The following C1GALT1 variants were observed in gnomAD, a reference collection of about 807,000 sequenced individuals.
The protein encoded by C1GALT1 is glycoprotein-N-acetylgalactosamine 3-beta-galactosyltransferase 1.
Under a neutral mutation model 31.0 loss-of-function variants are expected in C1GALT1, and 11 were observed. The observed-to-expected ratio is 0.36, with a 90% CI of 0.22 to 0.59. The LOEUF (loss-of-function observed/expected upper bound fraction) is 0.59. Among genes scored for constraint, C1GALT1 ranks in the 20% least tolerant of loss-of-function variants. The pLI is 0.79. For missense variants in C1GALT1, 424 were observed against 425.2 expected (o/e 1.00, Z 0.03); for synonymous variants, 175 against 143.6 (o/e 1.22, Z -1.56).
At chr7:7,214,973 C>G (rs1275925993) in intron 1 of C1GALT1, among the ~76,000 whole-genome samples, 1 of 152,154 alleles carries the variant, frequency 6.6e-6, no homozygotes, top group Admixed American at 6.5e-5. Context: ...TAAACCCTGC[C>G]TCTGATGGAT....
chr7:7,245,042 C>G lies in C1GALT1; in HGVS notation c.*1315C>G, dbSNP rs2128254663. The stretch of plus-strand genomic sequence containing the variant: ...TTTAGTGACTCTGTTTAAAGAGTTT[C>G]TGAAAGGAAAGAAATTTTTTATTTT... On this transcript the variant is annotated 3_prime_UTR_variant, in exon 4 of 4. Coordinates refer to ENST00000436587, the MANE Select transcript of C1GALT1 (RefSeq NM_020156.5). The G allele has an allele frequency of 6.6e-6, 1 of 152,300 alleles. No homozygotes were observed. Among genetic ancestry groups the G allele is most frequent in the African/African-American group, 2.4e-5 (1 of 41,566 alleles). The allele number at this position is 152,300 out of a possible 1,614,324, so 9.4% of individuals were successfully genotyped here.
intron 1 of C1GALT1, among the ~76,000 whole-genome samples, chr7:7,226,635 C>G (rs1359532226): frequency 2.0e-5 from 3 of 152,040 alleles, no homozygotes; most frequent in African/African-American, 4.8e-5. Flanking sequence ...TGTGCAATAG[C>G]AGACATTCTG....
intron 1 of C1GALT1, among the ~76,000 whole-genome samples, chr7:7,187,599 T>G (rs1473595098): frequency 6.6e-6 from 1 of 152,200 alleles, no homozygotes; most frequent in Non-Finnish European, 1.5e-5. Flanking sequence ...AGGCCAGGGA[T>G]GCTGGCTAAA....
At chr7:7,224,171 AC>A (rs1782643388) in intron 1 of C1GALT1, among the ~76,000 whole-genome samples, 1 of 152,064 alleles carries the variant, frequency 6.6e-6, no homozygotes, top group East Asian at 1.9e-4. Context: ...AAATACTAAT[AC>A]TTCATTAAGT....
chr7:7,168,130 T>A (rs1780417346), intron 2 of C1GALT1, among the ~76,000 whole-genome samples: 1 of 152,128 alleles, frequency 6.6e-6, no homozygotes, highest in South Asian at 2.1e-4. Context: ...AGGAAAGAAG[T>A]GTGCAGCAGT....
intron 1 of C1GALT1, among the ~76,000 whole-genome samples, chr7:7,224,911 A>G (rs1782684435): frequency 6.6e-6 from 1 of 152,108 alleles, no homozygotes; most frequent in African/African-American, 2.4e-5. Context: ...ATTTAAGTGT[A>G]TTAAGCATAG....
chr7:7,167,693 A>C (rs752717873), intron 2 of C1GALT1, among the ~76,000 whole-genome samples: 9 of 151,872 alleles, frequency 5.9e-5, no homozygotes, highest in Non-Finnish European at 1.2e-4. Context: ...AATTCACCAA[A>C]ATTTGGACCC....
intron 1 of C1GALT1, among the ~76,000 whole-genome samples, chr7:7,214,000 G>T (rs71533362): frequency 0.063 from 9,668 of 152,254 alleles, 372 homozygotes; most frequent in East Asian, 0.16. Context: ...TCATCTCCCA[G>T]TGGGGGGTAG....
chr7:7,205,970 T>C (rs1401912806), intron 1 of C1GALT1, among the ~76,000 whole-genome samples: 5 of 152,224 alleles, frequency 3.3e-5, no homozygotes, highest in Non-Finnish European at 5.9e-5. Flanking sequence ...TTTGTCCTTA[T>C]TTCCTGCATT....
At chr7:7,168,959 C>G (rs986380107) in intron 2 of C1GALT1, among the ~76,000 whole-genome samples, 3 of 152,152 alleles carry the variant, frequency 2.0e-5, no homozygotes, top group Admixed American at 6.6e-5. Context: ...GCAAACACCA[C>G]CACTATCTGT....
At chr7:7,217,892 T>A (rs772419652) in intron 1 of C1GALT1, among the ~76,000 whole-genome samples, 5 of 152,146 alleles carry the variant, frequency 3.3e-5, no homozygotes, top group Admixed American at 6.5e-5. Flanking sequence ...AGAAAAATCA[T>A]TTCAATTGTA....
At chr7:7,159,487 A>T (rs948396050) in intron 2 of C1GALT1, among the ~76,000 whole-genome samples, 1 of 152,190 alleles carries the variant, frequency 6.6e-6, no homozygotes, top group African/African-American at 2.4e-5. Flanking sequence ...AGCGGAAGAG[A>T]AAGAGAAAGG....
In C1GALT1 at chr7:7,157,999, G is replaced by A. The variant is rs141077007; in HGVS notation, c.-18+573G>A. Among the ~76,000 whole-genome samples, 4 of 152,300 alleles carry A rather than the reference G, an allele frequency of 2.6e-5. No individual in the cohort carries two copies. In the East Asian group the frequency reaches 7.7e-4, roughly 29 times the overall value. ...GTTCAGATAACTTGCTAAATCAAAAGTAGTTTCCTCAAGTTGCTGTTGCAT... is the reference window on the plus strand; with the variant it reads ...GTTCAGATAACTTGCTAAATCAAAAATAGTTTCCTCAAGTTGCTGTTGCAT... On this transcript the variant is annotated intron_variant, in intron 2 of 3. Coordinates refer to the C1GALT1 transcript ENST00000429911.
rs1351342149 is a variant in C1GALT1 at position 7,247,623 on chromosome 7, A to G, written c.*3896A>G. On this transcript the variant is annotated 3_prime_UTR_variant, in exon 4 of 4. Coordinates refer to ENST00000436587, the MANE Select transcript of C1GALT1 (RefSeq NM_020156.5). ...CTACCAGGTTGATGCACTGTACTTG[A>G]AAGAATCCCTTGATTAAATTACATC... 2 of 152,138 alleles carry G rather than the reference A, an allele frequency of 1.3e-5. No homozygotes were observed. Among genetic ancestry groups the G allele is most frequent in the Non-Finnish European group, 2.9e-5 (2 of 67,968 alleles). 9.4% of individuals were successfully genotyped at this position (152,138 alleles called of 1,614,324 possible). A position where few individuals can be genotyped will look rare whatever the true frequency, so the allele number is the denominator to read the frequency against.
intron 2 of C1GALT1, among the ~76,000 whole-genome samples, chr7:7,165,815 C>G (rs1258669311): frequency 2.0e-5 from 3 of 152,132 alleles, no homozygotes; most frequent in Non-Finnish European, 2.9e-5. Flanking sequence ...GAAAATTCCA[C>G]ACCTAATGTT....
chr7:7,178,453 G>A (rs1780529710), upstream of C1GALT1: 1 of 166,226 alleles, frequency 6.0e-6, no homozygotes, highest in Admixed American at 5.9e-5. Flanking sequence ...CTGGTTTCAA[G>A]ACATGGTTTA....
intron 1 of C1GALT1, among the ~76,000 whole-genome samples, chr7:7,188,911 G>C (rs1386718987): frequency 6.6e-6 from 1 of 152,160 alleles, no homozygotes; most frequent in Non-Finnish European, 1.5e-5. Context: ...TGATGATATA[G>C]GCATTACCCA....
intron 1 of C1GALT1, among the ~76,000 whole-genome samples, chr7:7,213,624 A>G (rs933068971): frequency 1.3e-5 from 2 of 152,186 alleles, no homozygotes; most frequent in Non-Finnish European, 2.9e-5. Flanking sequence ...TTAAAAGGCA[A>G]AAATCTTTCA....
rs78799845 is a variant in C1GALT1, at chr7:7,188,333, T to C, written c.-18+5513T>C. Reference sequence around the variant, plus strand: ...AGCAGAGGAAAGTAATGAGTCACTTTGGAGGTGTTGAATTAGAGATGCCTA... The same window carrying C: ...AGCAGAGGAAAGTAATGAGTCACTTCGGAGGTGTTGAATTAGAGATGCCTA... On this transcript the variant is annotated intron_variant, in intron 1 of 3. Transcript: ENST00000436587. Among the ~76,000 whole-genome samples the C allele has an allele frequency of 3.0e-3, 458 of 152,292 alleles. 4 individuals carry two copies. The highest frequency in any genetic ancestry group is 0.01 in the African/African-American group (435 of 41,570).
Sources: gnomAD v4.1 joint callset for allele counts (sites outside exome capture counted in the v4.1 genomes callset) on GRCh38, gnomAD v4.1.1 for gene constraint, MANE v1.5 for transcripts, NCBI Gene and HGNC (gene_info 2026-07-23, HGNC 2026-07-21) for gene names.